The following ATP2A2 variants were observed in gnomAD, a reference collection of about 807,000 sequenced individuals.
ATP2A2 encodes the protein ATPase sarcoplasmic/endoplasmic reticulum Ca2+ transporting 2.
A neutral mutation model predicts 109.3 loss-of-function variants in ATP2A2; 14 were observed. The observed-to-expected ratio is 0.13, with a 90% CI of 0.08 to 0.20. The LOEUF (loss-of-function observed/expected upper bound fraction) is 0.20. Ranked by LOEUF, ATP2A2 falls within the 10% of genes least tolerant of loss-of-function variation. ATP2A2 has a pLI of 1.00. For missense variants in ATP2A2, 657 were observed against 1,321.6 expected (o/e 0.50, Z 7.80); for synonymous variants, 506 against 490.9 (o/e 1.03, Z -0.41).
At chr12:110,287,051 G>A (rs1592789052) in intron 3 of ATP2A2, among the ~76,000 whole-genome samples, 2 of 152,058 alleles carry the variant, frequency 1.3e-5, no homozygotes, top group Non-Finnish European at 2.9e-5. Context: ...TCAGGAGTTC[G>A]AGACCAGCCT....
chr12:110,344,868 C>G lies in ATP2A2; in HGVS notation c.2522-18C>G, dbSNP rs571283129. 5.3e-5 allele frequency: 85 copies of G among 1,613,816 alleles called. No homozygotes were observed. The South Asian group carries it at 9.1e-4, about 17-fold the overall frequency. ...CCTGCAGAGGCAAGTGCATCAGCAT[C>G]ACTGTGTTTGTTCCCAGGTTACGTC... is the stretch of plus-strand genomic sequence containing the variant. On this transcript the variant is annotated intron_variant, in intron 16 of 19. Coordinates refer to ENST00000539276, the MANE Select transcript of ATP2A2 (RefSeq NM_170665.4).
chr12:110,345,545 C>A, intron 18 of ATP2A2, 163 bp downstream of exon 18: 1 of 1,104,952 alleles, frequency 9.1e-7, no homozygotes, highest in Non-Finnish European at 1.3e-6. Flanking sequence ...CTGTCGTCAC[C>A]TCCAGGAAGT....
intron 10 of ATP2A2, 106 bp from the exon 11 acceptor site, chr12:110,333,906 T>TTGTAATAATGGCCTTACAGTGG: frequency 6.7e-7 from 1 of 1,497,178 alleles, no homozygotes; most frequent in Non-Finnish European, 9.2e-7. Context: ...CCTTACAGTG[T>TTGTAATAATGGCCTTACAGTGG]TGTAATAGAG....
In ATP2A2 at chr12:110,292,144, C is replaced by T; in HGVS notation, c.324+20C>T. The T allele has an allele frequency of 6.4e-7, 1 of 1,564,760 alleles. No individual in the cohort carries two copies. Among genetic ancestry groups the T allele is most frequent in the Non-Finnish European group, 8.8e-7 (1 of 1,135,248 alleles). On this transcript the variant is annotated intron_variant, in intron 4 of 19. Coordinates refer to ENST00000539276, the MANE Select transcript of ATP2A2 (RefSeq NM_170665.4). ...TGGCAGGTAAGCAAAAATTCCTGTACTGCAAAATTTCAATAAGTTATGTAA... is the reference window on the plus strand; with the variant it reads ...TGGCAGGTAAGCAAAAATTCCTGTATTGCAAAATTTCAATAAGTTATGTAA...
At position 110,349,728 on chromosome 12, in the gene ATP2A2, A is replaced by T. The variant is rs1236753139; in HGVS notation, c.*3258A>T. On this transcript the variant is annotated 3_prime_UTR_variant, in exon 20 of 20. Transcript: ENST00000539276. ...TACCACGTCTGCAGTGCCTGTGAGC[A>T]GAGCCAGCAGTTGCCCTGTGACTGT... 1 of 1,011,064 alleles carries T rather than the reference A, an allele frequency of 9.9e-7. No homozygotes were observed. The highest frequency in any genetic ancestry group is 9.0e-5 in the East Asian group (1 of 11,106). The allele number at this position is 1,011,064 out of a possible 1,614,324, so 62.6% of individuals were successfully genotyped here.
rs757883466 is a variant in ATP2A2 at position 110,339,272 on chromosome 12, C to G, written c.1420-9C>G. On this transcript the variant is annotated splice_polypyrimidine_tract_variant and intron_variant, in intron 11 of 19. Transcript: ENST00000539276. This position sits in a 1 kb window ranked among gnomAD's most constrained non-coding sequence, Gnocchi z 4.4. ...CACCCAGTAGTATCCATATTTGTTC[C>G]CTTTGTAGGTCATTAAACAGCTGAT... 8.1e-6 allele frequency: 13 copies of G among 1,613,636 alleles called. No individual in the cohort carries two copies. The East Asian group carries it at 8.9e-5, about 11-fold the overall frequency.
rs1879480032 is a variant in ATP2A2 at position 110,342,788 on chromosome 12, T to C, written c.2318+340T>C. ...TTTTATTTATTTTTTTGAGACAGTC[T>C]CGCTGTCGCCCAGGCTTCGGGCAGT... On this transcript the variant is annotated intron_variant, in intron 15 of 19. Coordinates refer to ENST00000539276, the MANE Select transcript of ATP2A2 (RefSeq NM_170665.4). The surrounding 1 kb of genome is among the most constrained non-coding windows in gnomAD (Gnocchi z 4.6). Among the ~76,000 whole-genome samples, 1 of 152,206 alleles carries C rather than the reference T, an allele frequency of 6.6e-6. No homozygotes were observed. Among genetic ancestry groups the C allele is most frequent in the Non-Finnish European group, 1.5e-5 (1 of 68,042 alleles).
At position 110,281,810 on chromosome 12, in the gene ATP2A2, G is replaced by A; in HGVS notation, c.21G>A (p.Lys7=). 1 of 1,544,032 alleles carries A rather than the reference G, an allele frequency of 6.5e-7. No individual in the cohort carries two copies. Among genetic ancestry groups the A allele is most frequent in the African/African-American group, 1.4e-5 (1 of 71,236 alleles). ...AAGCCATGGAGAACGCGCACACCAA[G>A]ACGGTGGAGGAGGTGCTGGGCCACT... The part of the protein sequence containing the change: MENAHT[K]TVEEVLGHFG... The change falls in exon 1 of 20, where the codon AAG becomes AAA. Residue 7 remains lysine (K), a synonymous_variant. Coordinates refer to ENST00000539276, the MANE Select transcript of ATP2A2 (RefSeq NM_170665.4).
chr12:110,314,820 G>A lies in ATP2A2; in HGVS notation c.464-8172G>A, dbSNP rs115413090. ...ATATAAAAGGTCTAATATTGTTTTA[G>A]TGAATGTTGTACATAAAGAGATGTC... is the stretch of plus-strand genomic sequence containing the variant. On this transcript the variant is annotated intron_variant, in intron 5 of 19. Coordinates refer to ENST00000539276, the MANE Select transcript of ATP2A2 (RefSeq NM_170665.4). Among the ~76,000 whole-genome samples the A allele has an allele frequency of 5.8e-3, 872 of 151,552 alleles. 7 individuals carry two copies. Among genetic ancestry groups the A allele is most frequent in the African/African-American group, 0.02 (823 of 41,320 alleles).
intron 3 of ATP2A2, among the ~76,000 whole-genome samples, chr12:110,289,533 G>C (rs7139142): frequency 1.2e-3 from 184 of 152,216 alleles, no homozygotes; most frequent in African/African-American, 4.3e-3. Context: ...CATCTGTCAG[G>C]ACTTGGTGGT....
At chr12:110,316,276 TC>T (rs760547572) in intron 5 of ATP2A2, among the ~76,000 whole-genome samples, 2 of 152,200 alleles carry the variant, frequency 1.3e-5, no homozygotes, top group Non-Finnish European at 2.9e-5. Flanking sequence ...TCTTAATTAC[TC>T]TACCAGCTAA....
At chr12:110,334,281 T>C (rs1390998622) in intron 11 of ATP2A2, 138 bp downstream of exon 11, 10 of 1,080,038 alleles carry the variant, frequency 9.3e-6, no homozygotes, top group Non-Finnish European at 1.4e-5. Flanking sequence ...CTTCCCCATA[T>C]TCACTCTCAG....
chr12:110,282,082 G>A (rs573227623), intron 1 of ATP2A2, among the ~76,000 whole-genome samples, 175 bp downstream of exon 1: 2 of 152,146 alleles, frequency 1.3e-5, no homozygotes, highest in East Asian at 3.9e-4. Context: ...TCCTCGCCTC[G>A]CCTTCCCTGG....
rs1880076451 is a variant in ATP2A2 at position 110,348,296 on chromosome 12, G to A, written c.*1826G>A. 1 of 985,106 alleles carries A rather than the reference G, an allele frequency of 1.0e-6. No individual in the cohort carries two copies. Among genetic ancestry groups the A allele is most frequent in the African/African-American group, 1.8e-5 (1 of 57,100 alleles). The allele number at this position is 985,106 out of a possible 1,614,324, so 61.0% of individuals were successfully genotyped here. ...CCCCTTGCTTGGTCTTGTCCTTGGT[G>A]GCTAAGACTTAGCTCTGCAGGGGAT... On this transcript the variant is annotated 3_prime_UTR_variant, in exon 20 of 20. Transcript: ENST00000539276.
rs1375281642 is a variant in ATP2A2, at chr12:110,348,062, GGA to G, written c.*1598_*1599del. On this transcript the variant is annotated 3_prime_UTR_variant, in exon 20 of 20. Transcript: ENST00000539276. ...CCAAGCCAGACAAAAGCCGGAGTGG[GGA>G]GAGAGGCATTTCAGCCAGACCAACA... is the stretch of plus-strand genomic sequence containing the variant. 2 of 986,500 alleles carry G rather than the reference GGA, an allele frequency of 2.0e-6. No individual in the cohort carries two copies. The highest frequency in any genetic ancestry group is 1.1e-4 in the East Asian group (1 of 8,846). The allele number at this position is 986,500 out of a possible 1,614,324, so 61.1% of individuals were successfully genotyped here.
At chr12:110,311,414 C>G (rs555686803) in intron 5 of ATP2A2, among the ~76,000 whole-genome samples, 3 of 151,800 alleles carry the variant, frequency 2.0e-5, no homozygotes, top group East Asian at 3.9e-4. Flanking sequence ...ATGGTGAAAC[C>G]CCCGTCTCTA....
Position 110,307,859 on chromosome 12 carries a change from C to T in ATP2A2, c.463+11122C>T, listed in dbSNP as rs1875553109. On this transcript the variant is annotated intron_variant, in intron 5 of 19. Transcript: ENST00000539276. ...AGAAACTCTTTCGTTTAACTAGGTC[C>T]CAATTGTCAAGTTATTTGTTGCATT... 2.6e-5 allele frequency among the ~76,000 whole-genome samples: 4 copies of T among 152,230 alleles called. No individual in the cohort carries two copies. In the South Asian group the frequency reaches 8.3e-4, roughly 32 times the overall value.
At position 110,312,417 on chromosome 12, in the gene ATP2A2, G is replaced by C. The variant is rs887335774; in HGVS notation, c.464-10575G>C. Among the ~76,000 whole-genome samples the C allele has an allele frequency of 2.0e-5, 3 of 152,080 alleles. No individual in the cohort carries two copies. In the East Asian group the frequency reaches 5.8e-4, roughly 29 times the overall value. On this transcript the variant is annotated intron_variant, in intron 5 of 19. Coordinates refer to ENST00000539276, the MANE Select transcript of ATP2A2 (RefSeq NM_170665.4). ...AGATCTTAATCATTTCTAGATCACA[G>C]TCCCTTTGAGAATTAATGAAATTTA...
At position 110,339,448 on chromosome 12, in the gene ATP2A2, G is replaced by A; in HGVS notation, c.1542+45G>A. ...ATTGAGATGTTCTTGCCAGGGTTAA[G>A]ATCCCGGTGAACCAATAAAACAAAA... On this transcript the variant is annotated intron_variant, in intron 12 of 19. Coordinates refer to ENST00000539276, the MANE Select transcript of ATP2A2 (RefSeq NM_170665.4). The surrounding 1 kb of genome is among the most constrained non-coding windows in gnomAD (Gnocchi z 4.4). 1 of 1,614,170 alleles carries A rather than the reference G, an allele frequency of 6.2e-7. No individual in the cohort carries two copies. Among genetic ancestry groups the A allele is most frequent in the South Asian group, 1.1e-5 (1 of 91,052 alleles).
Sources: allele counts gnomAD v4.1 joint callset (sites outside exome capture counted in the v4.1 genomes callset), GRCh38; gene constraint gnomAD v4.1.1; non-coding constraint Gnocchi (gnomAD v3.1); transcripts MANE v1.5; gene names NCBI Gene and HGNC (gene_info 2026-07-23, HGNC 2026-07-21).